Variants in CADM2 observed in about 807,000 individuals in gnomAD.
CADM2 encodes the protein immunoglobulin superfamily member 4D.
In CADM2, 12 loss-of-function variants were observed where a neutral mutation model predicts 49.8. The ratio of observed to expected loss-of-function variants is 0.24; its 90% CI spans 0.15 to 0.39. The LOEUF (loss-of-function observed/expected upper bound fraction) is 0.39. Ranked by LOEUF, CADM2 falls within the 10% of genes least tolerant of loss-of-function variation. CADM2 has a pLI of 1.00. For missense variants in CADM2, 378 were observed against 492.3 expected (o/e 0.77, Z 2.20); for synonymous variants, 214 against 175.4 (o/e 1.22, Z -1.74).
chr3:85,285,292 G>A (rs2043607137), intron 1 of CADM2, among the ~76,000 whole-genome samples: 1 of 152,026 alleles, frequency 6.6e-6, no homozygotes, highest in Non-Finnish European at 1.5e-5. Flanking sequence ...CACATATATG[G>A]TATGAAATTC....
intron 1 of CADM2, among the ~76,000 whole-genome samples, chr3:85,233,366 C>A (rs1022557957): frequency 6.6e-6 from 1 of 151,994 alleles, no homozygotes; most frequent in African/African-American, 2.4e-5. Context: ...ACAGTCAACC[C>A]TAAGGTAACC....
chr3:85,006,408 C>T lies in CADM2; in HGVS notation c.61+46740C>T, dbSNP rs561951591. Among the ~76,000 whole-genome samples, 16 of 151,812 alleles carry T rather than the reference C, an allele frequency of 1.1e-4. No individual in the cohort carries two copies. In the South Asian group the frequency reaches 3.3e-3, roughly 32 times the overall value. On this transcript the variant is annotated intron_variant, in intron 1 of 9. Coordinates refer to ENST00000383699, the MANE Select transcript of CADM2 (RefSeq NM_001167675.2). ...ATTAAGATAGTTCCTCTTCTCCTAG[C>T]AGCATGTGAAATAAATAAATAAATA...
chr3:86,045,218 A>G (rs1013779147), intron 8 of CADM2, among the ~76,000 whole-genome samples: 4 of 152,102 alleles, frequency 2.6e-5, no homozygotes, highest in Non-Finnish European at 5.9e-5. Context: ...AATAAAAAAA[A>G]AAGATAGTGT....
intron 1 of CADM2, among the ~76,000 whole-genome samples, chr3:85,496,820 G>A (rs1361516726): frequency 6.6e-6 from 1 of 151,886 alleles, no homozygotes; most frequent in African/African-American, 2.4e-5. Context: ...TTCATATGTT[G>A]TTGACCACTT....
intron 5 of CADM2, among the ~76,000 whole-genome samples, chr3:85,898,126 T>C (rs1715515534): frequency 6.6e-6 from 1 of 152,170 alleles, no homozygotes. Context: ...TTAAACGCAG[T>C]ACCTCAAGAC....
chr3:85,203,149 A>G (rs1480453994), intron 1 of CADM2, among the ~76,000 whole-genome samples: 1 of 152,214 alleles, frequency 6.6e-6, no homozygotes, highest in Non-Finnish European at 1.5e-5. Context: ...ATTTCCTGCA[A>G]GAACCATTTC....
At chr3:86,012,916 A>G in intron 8 of CADM2, 1 of 612,016 alleles carries the variant, frequency 1.6e-6, no homozygotes, top group Non-Finnish European at 3.0e-6. Flanking sequence ...CGGAGCTTGC[A>G]GTGAGCCGAG....
chr3:85,028,234 A>C (rs1320588797), intron 1 of CADM2, among the ~76,000 whole-genome samples: 1 of 152,178 alleles, frequency 6.6e-6, no homozygotes, highest in Non-Finnish European at 1.5e-5. Context: ...GACATATTTT[A>C]GAGGCAGGAT....
intron 1 of CADM2, among the ~76,000 whole-genome samples, chr3:85,069,058 A>G (rs1388882692): frequency 1.3e-5 from 2 of 152,076 alleles, no homozygotes; most frequent in Non-Finnish European, 2.9e-5. Flanking sequence ...ATATGCTCTC[A>G]AAGGAAAGCT....
intron 3 of CADM2, among the ~76,000 whole-genome samples, chr3:85,867,250 AAAC>A (rs2075757874): frequency 6.6e-6 from 1 of 152,062 alleles, no homozygotes; most frequent in Admixed American, 6.6e-5. Context: ...GATAGAAGAT[AAAC>A]AACAAGACTG....
At position 86,071,830 on chromosome 3, in the gene CADM2, ATATAAT is replaced by A. The variant is rs1210162313; in HGVS notation, c.*5049_*5054del. The A allele has an allele frequency of 6.6e-6, 1 of 152,020 alleles. No homozygotes were observed. The highest frequency in any genetic ancestry group is 2.4e-5 in the African/African-American group (1 of 41,448). The allele number at this position is 152,020 out of a possible 1,614,324, so 9.4% of individuals were successfully genotyped here. On this transcript the variant is annotated 3_prime_UTR_variant, in exon 10 of 10. Transcript: ENST00000383699. ...CTGCCTATTTAATATTTCAATGTTAATATAATTGTATTGGTTTTTAAAAATAATTAA... is the reference window on the plus strand; with the variant it reads ...CTGCCTATTTAATATTTCAATGTTAATGTATTGGTTTTTAAAAATAATTAA...
At position 85,568,463 on chromosome 3, in the gene CADM2, C is replaced by CTTTTTCTT. The variant is rs1424573453; in HGVS notation, c.62-158058_62-158057insTTTTCTTT. ...TCTTTCTTTCTTTCTTTCTTTCTTT[C>CTTTTTCTT]TCTTTCTCTCTCTTTCTTTCTTTCT... On this transcript the variant is annotated intron_variant, in intron 1 of 9. Coordinates refer to ENST00000383699, the MANE Select transcript of CADM2 (RefSeq NM_001167675.2). Among the ~76,000 whole-genome samples, 41 of 13,184 alleles carry CTTTTTCTT rather than the reference C, an allele frequency of 3.1e-3. 3 individuals are homozygous for CTTTTTCTT. The highest frequency in any genetic ancestry group is 4.8e-3 in the African/African-American group (37 of 7,746). The allele number at this position is 13,184 out of a possible 152,430, so 8.6% of individuals were successfully genotyped here. A position where few individuals can be genotyped will look rare whatever the true frequency, so the allele number is the denominator to read the frequency against.
At chr3:86,039,064 T>C (rs1319494578) in intron 8 of CADM2, among the ~76,000 whole-genome samples, 15 of 152,126 alleles carry the variant, frequency 9.9e-5, no homozygotes, top group African/African-American at 2.4e-5. Flanking sequence ...ATCATTTCAT[T>C]AAGATAATGT....
chr3:85,516,224 G>A (rs549503749), intron 1 of CADM2, among the ~76,000 whole-genome samples: 15 of 152,218 alleles, frequency 9.9e-5, no homozygotes, highest in African/African-American at 3.6e-4. Flanking sequence ...ATTGTCTTTT[G>A]TGAGCTCCTT....
At chr3:86,027,100 G>C (rs1317568715) in intron 8 of CADM2, among the ~76,000 whole-genome samples, 2 of 152,146 alleles carry the variant, frequency 1.3e-5, no homozygotes, top group Non-Finnish European at 2.9e-5. Flanking sequence ...AACAATTCTA[G>C]TAACAGGGTT....
intron 1 of CADM2, among the ~76,000 whole-genome samples, chr3:85,114,275 A>T (rs550331940): frequency 3.3e-5 from 5 of 152,196 alleles, no homozygotes; most frequent in African/African-American, 9.6e-5. Flanking sequence ...GGCTGAATCG[A>T]TAGGACAGAA....
At chr3:85,754,323 A>G (rs1012286501) in intron 2 of CADM2, among the ~76,000 whole-genome samples, 5 of 152,048 alleles carry the variant, frequency 3.3e-5, no homozygotes, top group Admixed American at 3.3e-4. Context: ...AGACAGTGAA[A>G]CAACCACCTG....
At chr3:85,888,979 G>A (rs1714048752) in intron 5 of CADM2, among the ~76,000 whole-genome samples, 1 of 152,000 alleles carries the variant, frequency 6.6e-6, no homozygotes, top group South Asian at 2.1e-4. Flanking sequence ...ATAAAATAAG[G>A]CAAACAGAAA....
At chr3:85,382,957 T>C (rs2033986251) in intron 1 of CADM2, among the ~76,000 whole-genome samples, 1 of 152,184 alleles carries the variant, frequency 6.6e-6, no homozygotes. Flanking sequence ...TGAGTCCTTG[T>C]GGACCAACTG....
Sources: allele counts gnomAD v4.1 joint callset (sites outside exome capture counted in the v4.1 genomes callset), GRCh38; gene constraint gnomAD v4.1.1; transcripts MANE v1.5; gene names NCBI Gene and HGNC (gene_info 2026-07-23, HGNC 2026-07-21).